The following E2F7 variants were observed in gnomAD, a reference collection of about 807,000 sequenced individuals.
E2F7 encodes E2F transcription factor 7.
E2F7 carries 35 observed loss-of-function variants against 81.1 expected under a neutral mutation model. The observed-to-expected ratio is 0.43, with a 90% CI of 0.33 to 0.57. The LOEUF is 0.57. Ranked by LOEUF, E2F7 falls within the 20% of genes least tolerant of loss-of-function variation. The pLI, the probability that E2F7 is intolerant of heterozygous loss-of-function variation, is 0.04. For synonymous variants in E2F7, 416 were observed against 416.2 expected (o/e 1.00, Z 0.01); for missense variants, 961 against 1,093.7 (o/e 0.88, Z 1.71).
intron 12 of E2F7, 107 bp from the exon 13 acceptor site, chr12:77,024,292 G>C (rs528448332): frequency 1.6e-6 from 2 of 1,248,048 alleles, no homozygotes; most frequent in East Asian, 5.2e-5. Flanking sequence ...CAAGGCAGGC[G>C]TTCCTTCTTC....
intron 6 of E2F7, 131 bp downstream of exon 6, chr12:77,044,506 T>C (rs546770996): frequency 8.4e-7 from 1 of 1,188,852 alleles, no homozygotes; most frequent in Non-Finnish European, 1.2e-6. Flanking sequence ...CCAAAAACCT[T>C]GATGAATGCA....
intron 10 of E2F7, 92 bp from the exon 11 acceptor site, chr12:77,028,230 T>C (rs1954775658): frequency 6.7e-7 from 1 of 1,484,462 alleles, no homozygotes; most frequent in Non-Finnish European, 8.9e-7. Context: ...TCTCACTCTG[T>C]TGCCCAAGCT....
chr12:77,044,721 T>C lies in E2F7; in HGVS notation c.904A>G (p.Lys302Glu). ...ACATCCAGAGTGACAATCTTGGTTT[T>C]GGAGACGAGGAACAGCATGACAAAC... ...QKFVMLFLVS[K>E]TKIVTLDVAA... Residue 302 changes from lysine to glutamate, a missense_variant, in exon 6 of 13, where the codon AAA becomes GAA. Around this residue, in one of 3 missense-constraint regions of E2F7, gnomAD observed 301 missense variants for 405.0 expected, o/e 0.74. Transcript: ENST00000322886. 1 of 1,614,188 alleles carries C rather than the reference T, an allele frequency of 6.2e-7. No homozygotes were observed. The highest frequency in any genetic ancestry group is 8.5e-7 in the Non-Finnish European group (1 of 1,180,020).
At chr12:77,031,696 C>CA (rs1005933179) in intron 9 of E2F7, among the ~76,000 whole-genome samples, 9 of 151,730 alleles carry the variant, frequency 5.9e-5, no homozygotes, top group South Asian at 2.1e-4. Context: ...AAACACACAA[C>CA]AAAAAAAACA....
At chr12:77,033,191 T>A in intron 8 of E2F7, 69 bp from the exon 9 acceptor site, 1 of 1,343,106 alleles carries the variant, frequency 7.4e-7, no homozygotes, top group Non-Finnish European at 1.0e-6. Context: ...ATACTGAGAA[T>A]TATCTAGCTG....
At chr12:77,040,440 T>C (rs1954885520) in intron 7 of E2F7, among the ~76,000 whole-genome samples, 1 of 152,196 alleles carries the variant, frequency 6.6e-6, no homozygotes, top group Non-Finnish European at 1.5e-5. Context: ...GCCTGATTCA[T>C]CTGGGAACAA....
chr12:77,041,725 T>G (rs948659845), intron 7 of E2F7, among the ~76,000 whole-genome samples: 5 of 152,188 alleles, frequency 3.3e-5, no homozygotes, highest in African/African-American at 1.2e-4. Flanking sequence ...ACTTAATCTG[T>G]ATCCTCTCTG....
Position 77,023,936 on chromosome 12 carries a change from C to T in E2F7, c.*79G>A. On this transcript the variant is annotated 3_prime_UTR_variant, in exon 13 of 13. Transcript: ENST00000322886. ...AGAGAGGAAGGACCCGTGCTCAGGA[C>T]GGGATGGTTTGCATCCCGCCTCGGA... The T allele has an allele frequency of 6.5e-7, 1 of 1,531,218 alleles. No individual in the cohort carries two copies. 94.9% of individuals were successfully genotyped at this position (1,531,218 alleles called of 1,614,324 possible).
rs886265362 is a variant in E2F7 at position 77,032,441 on chromosome 12, T to C, written c.1382+609A>G. On this transcript the variant is annotated intron_variant, in intron 9 of 12. Coordinates refer to ENST00000322886, the MANE Select transcript of E2F7 (RefSeq NM_203394.3). ...TCCCACATCTGTTGTTAAACACTTT[T>C]CTAATTACTCTGTTTAGCGTTTCTT... 7.9e-5 allele frequency among the ~76,000 whole-genome samples: 12 copies of C among 152,244 alleles called. 1 individual carries two copies. The highest frequency in any genetic ancestry group is 7.2e-4 in the Admixed American group (11 of 15,290).
chr12:77,025,688 G>A lies in E2F7; in HGVS notation c.2435C>T (p.Ala812Val). The A allele has an allele frequency of 6.2e-7, 1 of 1,614,206 alleles. No individual in the cohort carries two copies. The highest frequency in any genetic ancestry group is 8.5e-7 in the Non-Finnish European group (1 of 1,180,048). The change falls in exon 12 of 13, where the codon GCA becomes GTA. Residue 812 changes from alanine (A) to valine (V), a missense_variant. By Grantham distance (64) the Ala-to-Val change is moderately conservative. This residue lies in a region of E2F7 where 587 missense variants were observed against 620.3 expected (regional missense o/e 0.95). Transcript: ENST00000322886. ...GGGCTGACTCTGAAGCTGAGGGTCT[G>A]CAGAAGGGAGTGTGGACGACTTTGG... ...VNPKSSTLPS[A>V]DPQLQSQPSL... is the part of the protein sequence containing the mutation.
intron 7 of E2F7, among the ~76,000 whole-genome samples, chr12:77,038,512 T>C (rs1190353662): frequency 6.6e-6 from 1 of 152,128 alleles, no homozygotes; most frequent in African/African-American, 2.4e-5. Context: ...TCTAAATAAT[T>C]TGTGGGCCAA....
At chr12:77,026,071 G>C in intron 11 of E2F7, 89 bp from the exon 12 acceptor site, 1 of 1,399,192 alleles carries the variant, frequency 7.1e-7, no homozygotes, top group South Asian at 1.5e-5. Flanking sequence ...CTTTCAAACG[G>C]GAGTCCACAA....
intron 2 of E2F7, among the ~76,000 whole-genome samples, chr12:77,056,494 G>T (rs1001728340): frequency 5.3e-5 from 8 of 152,278 alleles, no homozygotes; most frequent in Middle Eastern, 3.4e-3. Context: ...TTACAAGTTT[G>T]CATTGACTAG....
intron 9 of E2F7, among the ~76,000 whole-genome samples, chr12:77,031,814 C>A (rs1055251993): frequency 1.2e-4 from 18 of 152,158 alleles, no homozygotes; most frequent in African/African-American, 4.1e-4. Context: ...AAATGCAGTA[C>A]CCTGGGCCGC....
intron 7 of E2F7, among the ~76,000 whole-genome samples, chr12:77,037,411 T>C (rs1954861022): frequency 6.6e-6 from 1 of 152,078 alleles, no homozygotes; most frequent in Non-Finnish European, 1.5e-5. Context: ...GGCAACATAG[T>C]GAAACCCTGT....
rs1954719502 is a variant in E2F7 at position 77,022,344 on chromosome 12, A to C, written c.*1671T>G. ...GAAGACTGTAAAAAAGAAAAAAAAA[A>C]CTTGTAAACTTTAAAAGTTTAGTGT... On this transcript the variant is annotated 3_prime_UTR_variant, in exon 13 of 13. Transcript: ENST00000322886. The C allele has an allele frequency of 2.0e-5, 3 of 152,502 alleles. No homozygotes were observed. Among genetic ancestry groups the C allele is most frequent in the Admixed American group, 1.3e-4 (2 of 15,274 alleles). The allele number at this position is 152,502 out of a possible 1,614,324, so 9.4% of individuals were successfully genotyped here. A position where few individuals can be genotyped will look rare whatever the true frequency, so the allele number is the denominator to read the frequency against.
At chr12:77,030,737 C>T (rs1415365846) in intron 9 of E2F7, among the ~76,000 whole-genome samples, 24 of 152,166 alleles carry the variant, frequency 1.6e-4, no homozygotes, top group Admixed American at 1.6e-3. Context: ...CCCCAGTTTA[C>T]TAGCGAGGAA....
At chr12:77,055,338 G>A (rs1955022984) in intron 3 of E2F7, among the ~76,000 whole-genome samples, 1 of 151,224 alleles carries the variant, frequency 6.6e-6, no homozygotes, top group African/African-American at 2.4e-5. Flanking sequence ...AGCTTGATGG[G>A]AAGTGAAAAT....
chr12:77,025,305 T>A (rs1954748368), intron 12 of E2F7, among the ~76,000 whole-genome samples: 1 of 152,178 alleles, frequency 6.6e-6, no homozygotes, highest in Non-Finnish European at 1.5e-5. Context: ...GAACTATGCC[T>A]AAAACAGGTC....
Sources: gnomAD v4.1 joint callset for allele counts (sites outside exome capture counted in the v4.1 genomes callset) on GRCh38, gnomAD v4.1.1 for gene constraint, gnomAD v4.1.1 regional missense constraint, MANE v1.5 for transcripts, NCBI Gene and HGNC (gene_info 2026-07-23, HGNC 2026-07-21) for gene names.